PLEKHA5: variants seen among roughly 807,000 people sequenced by gnomAD.
PLEKHA5 encodes the protein pleckstrin homology domain containing A5.
A neutral mutation model predicts 181.9 loss-of-function variants in PLEKHA5; 55 were observed. The observed-to-expected ratio is 0.30, with a 90% CI of 0.24 to 0.38. The LOEUF (loss-of-function observed/expected upper bound fraction) is 0.38. Ranked by LOEUF, PLEKHA5 falls within the 10% of genes least tolerant of loss-of-function variation. PLEKHA5 has a pLI of 1.00. For missense variants in PLEKHA5, 1,432 were observed against 1,549.5 expected, an observed-to-expected ratio of 0.92 and a Z score of 1.27; for synonymous variants, 535 against 529.4, an observed-to-expected ratio of 1.01 and a Z score of -0.15.
intron 3 of PLEKHA5, among the ~76,000 whole-genome samples, chr12:19,226,113 A>C (rs1429693090): frequency 6.6e-6 from 1 of 152,168 alleles, no homozygotes; most frequent in Non-Finnish European, 1.5e-5. Flanking sequence ...CATCACCTCT[A>C]TCCAGTTCCA....
At chr12:19,375,324 A>T (rs1211383439) in intron 31 of PLEKHA5, among the ~76,000 whole-genome samples, 1 of 152,124 alleles carries the variant, frequency 6.6e-6, no homozygotes, top group Non-Finnish European at 1.5e-5. Flanking sequence ...CCTGTCTCAA[A>T]AAAAAAAAAT....
At position 19,168,015 on chromosome 12, in the gene PLEKHA5, G is replaced by A. The variant is rs914513459; in HGVS notation, c.227+35565G>A. Among the ~76,000 whole-genome samples, 27 of 152,060 alleles carry A rather than the reference G, an allele frequency of 1.8e-4. 1 individual carries two copies. The highest frequency in any genetic ancestry group is 2.8e-4 in the Non-Finnish European group (19 of 68,010). On this transcript the variant is annotated intron_variant, in intron 3 of 31. Coordinates refer to ENST00000429027, the MANE Select transcript of PLEKHA5 (RefSeq NM_001256470.2). ...AGTCTGAAAGTATGATATGTATATC[G>A]GTTAGTGGAGAGACTAAAACTACTT...
At chr12:19,275,082 T>G in intron 11 of PLEKHA5, 99 bp downstream of exon 11, 1 of 707,786 alleles carries the variant, frequency 1.4e-6, no homozygotes. Flanking sequence ...GTTTAAATTG[T>G]GTTTTAGCTG....
At chr12:19,238,483 AT>A (rs2061792330) in intron 3 of PLEKHA5, among the ~76,000 whole-genome samples, 1 of 152,050 alleles carries the variant, frequency 6.6e-6, no homozygotes. Flanking sequence ...AAGAGCCACA[AT>A]TTTTTCCTTA....
At chr12:19,260,369 G>A (rs545964205) in intron 6 of PLEKHA5, among the ~76,000 whole-genome samples, 1 of 152,270 alleles carries the variant, frequency 6.6e-6, no homozygotes, top group South Asian at 2.1e-4. Context: ...TGAGAAGAGT[G>A]AATTCCAAAT....
At chr12:19,183,746 C>T (rs538364315) in intron 3 of PLEKHA5, among the ~76,000 whole-genome samples, 166 of 152,228 alleles carry the variant, frequency 1.1e-3, no homozygotes, top group African/African-American at 3.4e-3. Context: ...TGGAGTCTTG[C>T]TCTATTGCCC....
chr12:19,141,063 G>A (rs2037123487), intron 3 of PLEKHA5, among the ~76,000 whole-genome samples: 1 of 152,030 alleles, frequency 6.6e-6, no homozygotes, highest in African/African-American at 2.4e-5. Context: ...CAAAGTGCTG[G>A]GATTATAGGC....
intron 16 of PLEKHA5, 114 bp from the exon 17 acceptor site, chr12:19,319,906 CT>C: frequency 1.6e-6 from 1 of 609,122 alleles, no homozygotes. Flanking sequence ...CACACATAAA[CT>C]TTTTATGAAA....
In PLEKHA5 at chr12:19,320,559, T is replaced by C. The variant is rs1315666884; in HGVS notation, c.2155-3T>C. The C allele has an allele frequency of 6.9e-7, 1 of 1,448,780 alleles. No homozygotes were observed. Among genetic ancestry groups the C allele is most frequent in the East Asian group, 2.3e-5 (1 of 43,664 alleles). The allele number at this position is 1,448,780 out of a possible 1,614,324, so 89.7% of individuals were successfully genotyped here. On this transcript the variant is annotated splice_region_variant and splice_polypyrimidine_tract_variant and intron_variant, in intron 17 of 31. Transcript: ENST00000429027. ...AAGTTGCTATATGATTTTTTTCTTATAGCTGTCACAAGATGAAGGTAGAGG... is the reference window on the plus strand; with the variant it reads ...AAGTTGCTATATGATTTTTTTCTTACAGCTGTCACAAGATGAAGGTAGAGG...
At chr12:19,155,945 C>CT (rs2041585181) in intron 3 of PLEKHA5, among the ~76,000 whole-genome samples, 1 of 152,184 alleles carries the variant, frequency 6.6e-6, no homozygotes, top group South Asian at 2.1e-4. Flanking sequence ...TGAGTAGCCC[C>CT]TTTCTCTGTG....
intron 3 of PLEKHA5, among the ~76,000 whole-genome samples, chr12:19,216,524 G>A (rs952500307): frequency 2.0e-5 from 3 of 152,036 alleles, no homozygotes; most frequent in Non-Finnish European, 4.4e-5. Context: ...TTAGCCAGGC[G>A]TGGTAGCAGG....
At chr12:19,251,691 G>A (rs1279992567) in intron 3 of PLEKHA5, among the ~76,000 whole-genome samples, 2 of 125,160 alleles carry the variant, frequency 1.6e-5, no homozygotes, top group Non-Finnish European at 3.2e-5. Flanking sequence ...TCCAGCAAGC[G>A]TTATAGCAGA....
At chr12:19,276,112 T>G (rs1241289918) in intron 11 of PLEKHA5, among the ~76,000 whole-genome samples, 1 of 152,102 alleles carries the variant, frequency 6.6e-6, no homozygotes, top group Non-Finnish European at 1.5e-5. Flanking sequence ...ATATTATGGC[T>G]TAGATATGCA....
At chr12:19,291,296 G>T (rs922229738) in intron 14 of PLEKHA5, among the ~76,000 whole-genome samples, 2 of 152,072 alleles carry the variant, frequency 1.3e-5, no homozygotes, top group African/African-American at 2.4e-5. Flanking sequence ...TATAGCTCTG[G>T]TTATATAAGA....
At chr12:19,180,403 A>G (rs2048279876) in intron 3 of PLEKHA5, among the ~76,000 whole-genome samples, 1 of 152,204 alleles carries the variant, frequency 6.6e-6, no homozygotes, top group Admixed American at 6.5e-5. Context: ...GCTGAGGCAT[A>G]TGAAATCTGG....
intron 16 of PLEKHA5, among the ~76,000 whole-genome samples, chr12:19,318,242 CTT>C (rs961168211): frequency 1.3e-5 from 2 of 151,698 alleles, no homozygotes; most frequent in Admixed American, 6.6e-5. Context: ...TATTGAATAA[CTT>C]GATAAAAGAT....
intron 3 of PLEKHA5, among the ~76,000 whole-genome samples, chr12:19,206,546 G>A (rs2055574782): frequency 6.6e-6 from 1 of 152,120 alleles, no homozygotes; most frequent in South Asian, 2.1e-4. Context: ...GAGGCTATAA[G>A]GTGCTTTAAA....
chr12:19,274,812 A>G lies in PLEKHA5; in HGVS notation c.1142A>G (p.Glu381Gly). The stretch of plus-strand genomic sequence containing the variant: ...AGACCAATCAACTTGAGCAGTTCAG[A>G]GAACAAAATAGTCAATGTTAGCCTG... ...HYRPINLSSS[E>G]NKIVNVSLAD... The change falls in exon 11 of 32, where the codon GAG becomes GGG. Residue 381 changes from glutamate (E) to glycine (G), a missense_variant. Around this residue, in one of 2 missense-constraint regions of PLEKHA5, gnomAD observed 1,143 missense variants for 1,168.4 expected, o/e 0.98. Transcript: ENST00000429027. The G allele has an allele frequency of 6.2e-7, 1 of 1,614,206 alleles. No individual in the cohort carries two copies. The highest frequency in any genetic ancestry group is 8.5e-7 in the Non-Finnish European group (1 of 1,180,040).
chr12:19,243,969 T>C (rs748645477), intron 3 of PLEKHA5, among the ~76,000 whole-genome samples: 65 of 152,232 alleles, frequency 4.3e-4, no homozygotes, highest in Non-Finnish European at 7.8e-4. Context: ...GAAACTGTCT[T>C]TGTGGCAGCC....
Sources: allele counts gnomAD v4.1 joint callset (sites outside exome capture counted in the v4.1 genomes callset), GRCh38; gene constraint gnomAD v4.1.1; regional missense constraint gnomAD v4.1.1; transcripts MANE v1.5; gene names NCBI Gene and HGNC (gene_info 2026-07-23, HGNC 2026-07-21).